The following VPS13B variants were observed in gnomAD, a reference collection of about 807,000 sequenced individuals.
VPS13B encodes the protein vacuolar protein sorting 13 homolog B.
VPS13B carries 285 observed loss-of-function variants against 426.4 expected under a neutral mutation model. That is an observed-to-expected ratio of 0.67 (90% CI 0.61 to 0.74). VPS13B has a LOEUF of 0.74. Ranked by LOEUF, VPS13B falls within the 30% of genes least tolerant of loss-of-function variation. VPS13B has a pLI of 0.00. For synonymous variants in VPS13B, 1,676 were observed against 1,676.4 expected (o/e 1.00, Z 0.01); for missense variants, 4,537 against 4,782.6 (o/e 0.95, Z 1.51).
chr8:99,602,067 T>G (rs747155456), intron 33 of VPS13B, among the ~76,000 whole-genome samples: 32 of 152,178 alleles, frequency 2.1e-4, no homozygotes, highest in Non-Finnish European at 3.5e-4. Flanking sequence ...TCATGAAGTC[T>G]TTGCCCATGC....
At chr8:99,113,853 G>A (rs1479812969) in intron 6 of VPS13B, among the ~76,000 whole-genome samples, 1 of 152,134 alleles carries the variant, frequency 6.6e-6, no homozygotes, top group African/African-American at 2.4e-5. Context: ...ATGAGTCACT[G>A]CGCCTGGCCC....
At chr8:99,732,588 A>G (rs1293440826) in intron 39 of VPS13B, among the ~76,000 whole-genome samples, 1 of 152,246 alleles carries the variant, frequency 6.6e-6, no homozygotes, top group Non-Finnish European at 1.5e-5. Context: ...CTGGCATCAC[A>G]GCCATAACAC....
chr8:99,378,640 AGGGTTTC>A (rs1813627481), intron 19 of VPS13B, among the ~76,000 whole-genome samples: 1 of 152,326 alleles, frequency 6.6e-6, no homozygotes, highest in South Asian at 2.1e-4. Flanking sequence ...TTCTTCCATC[AGGGTTTC>A]AGCAGGTCCT....
At chr8:99,573,145 G>C (rs1825575761) in intron 31 of VPS13B, among the ~76,000 whole-genome samples, 1 of 151,922 alleles carries the variant, frequency 6.6e-6, no homozygotes, top group African/African-American at 2.4e-5. Context: ...CTTTTTGATG[G>C]GGTTGCTTTT....
chr8:99,685,162 T>G (rs1360101917), intron 35 of VPS13B, among the ~76,000 whole-genome samples: 1 of 152,226 alleles, frequency 6.6e-6, no homozygotes, highest in Non-Finnish European at 1.5e-5. Context: ...TAAACAAAAC[T>G]TCAATAAATA....
chr8:99,089,033 A>T (rs1846000041), intron 3 of VPS13B, among the ~76,000 whole-genome samples: 1 of 152,158 alleles, frequency 6.6e-6, no homozygotes, highest in African/African-American at 2.4e-5. Flanking sequence ...TTAGGAAAGG[A>T]TAGGTTGTTA....
At chr8:99,582,781 G>A (rs1384574658) in intron 33 of VPS13B, among the ~76,000 whole-genome samples, 3 of 151,830 alleles carry the variant, frequency 2.0e-5, no homozygotes, top group Non-Finnish European at 2.9e-5. Flanking sequence ...TCAGCCTCCC[G>A]AGTAGCTGGG....
At chr8:99,759,302 C>T (rs1810802043) in intron 39 of VPS13B, among the ~76,000 whole-genome samples, 1 of 152,156 alleles carries the variant, frequency 6.6e-6, no homozygotes, top group Admixed American at 6.5e-5. Flanking sequence ...CCCTCACAGT[C>T]TTTCATAGCT....
At chr8:99,540,832 C>A (rs1823578017) in intron 30 of VPS13B, among the ~76,000 whole-genome samples, 1 of 151,996 alleles carries the variant, frequency 6.6e-6, no homozygotes, top group Non-Finnish European at 1.5e-5. Flanking sequence ...GGTTTCGAGG[C>A]CCTATTTCGA....
intron 54 of VPS13B, among the ~76,000 whole-genome samples, chr8:99,841,878 GTC>G (rs1459316244): frequency 6.6e-6 from 1 of 152,038 alleles, no homozygotes; most frequent in Non-Finnish European, 1.5e-5. Flanking sequence ...CCAACCTCAA[GTC>G]TCTCTCTGTA....
At chr8:99,334,754 G>C (rs1051016295) in intron 19 of VPS13B, among the ~76,000 whole-genome samples, 1 of 152,080 alleles carries the variant, frequency 6.6e-6, no homozygotes, top group Non-Finnish European at 1.5e-5. Context: ...GCTGGATTCG[G>C]TTTGCCAGTA....
chr8:99,872,839 G>A lies in VPS13B; in HGVS notation c.11745+1142G>A, dbSNP rs192831453. On this transcript the variant is annotated intron_variant, in intron 61 of 61. Coordinates refer to ENST00000357162, the MANE Select transcript of VPS13B (RefSeq NM_152564.5). ...GTGTATCTCCTTCACGCCACTGTTTGGGTAAAATTATCTGAGAAGATGGAA... is the reference window on the plus strand; with the variant it reads ...GTGTATCTCCTTCACGCCACTGTTTAGGTAAAATTATCTGAGAAGATGGAA... Among the ~76,000 whole-genome samples the A allele has an allele frequency of 1.4e-4, 22 of 152,202 alleles. No individual in the cohort carries two copies. The East Asian group carries it at 4.1e-3, about 28-fold the overall frequency.
chr8:99,030,135 C>CTTTTTTTTT (rs58542671), intron 2 of VPS13B, among the ~76,000 whole-genome samples: 53 of 75,712 alleles, frequency 7.0e-4, no homozygotes, highest in Non-Finnish European at 9.6e-4. Context: ...AAAATACATG[C>CTTTTTTTTT]TTTTTTTTTT....
chr8:99,762,729 T>G lies in VPS13B; in HGVS notation c.7051-4045T>G, dbSNP rs79178359. The stretch of plus-strand genomic sequence containing the variant: ...ATAATGGCTAACATTTCTTAAGCTC[T>G]TACTATGTGATATTAAATAAAATGC... On this transcript the variant is annotated intron_variant, in intron 39 of 61. Transcript: ENST00000357162. Among the ~76,000 whole-genome samples the G allele has an allele frequency of 3.9e-5, 6 of 152,334 alleles. No individual in the cohort carries two copies. In the East Asian group the frequency reaches 9.7e-4, roughly 25 times the overall value.
At chr8:99,351,219 G>A (rs1811860868) in intron 19 of VPS13B, among the ~76,000 whole-genome samples, 1 of 152,068 alleles carries the variant, frequency 6.6e-6, no homozygotes, top group African/African-American at 2.4e-5. Context: ...AGCATTTGTT[G>A]CCTTATGTCA....
chr8:99,133,031 C>T (rs922587463), intron 8 of VPS13B, among the ~76,000 whole-genome samples: 10 of 152,086 alleles, frequency 6.6e-5, no homozygotes, highest in South Asian at 4.1e-4. Context: ...CAAGAGCATC[C>T]GCCTGTATTT....
rs140204523 is a variant in VPS13B, at chr8:99,853,473, T to C, written c.10084T>C (p.Phe3362Leu). Reference sequence around the variant, plus strand: ...TAGAGCGCCAGAGAAGATTGTTACATTTAAAATGTTCATCACTCAGTTAAG... The same window carrying C: ...TAGAGCGCCAGAGAAGATTGTTACACTTAAAATGTTCATCACTCAGTTAAG... The part of the protein sequence containing the change: ...TNRAPEKIVT[F>L]KMFITQLSLA... Residue 3362 changes from phenylalanine to leucine, a missense_variant, in exon 56 of 62, where the codon TTT (phenylalanine) becomes CTT (leucine). Phe to Leu is a conservative substitution (Grantham distance 22, BLOSUM62 0). Transcript: ENST00000357162. The C allele has an allele frequency of 3.1e-6, 5 of 1,614,222 alleles. No individual in the cohort carries two copies. The highest frequency in any genetic ancestry group is 1.1e-5 in the South Asian group (1 of 91,074).
At chr8:99,455,679 A>G (rs1322108543) in intron 23 of VPS13B, among the ~76,000 whole-genome samples, 1 of 152,096 alleles carries the variant, frequency 6.6e-6, no homozygotes, top group Non-Finnish European at 1.5e-5. Context: ...CTGTCCCTAT[A>G]AATTTGCCTT....
intron 15 of VPS13B, among the ~76,000 whole-genome samples, chr8:99,157,716 A>G (rs909166123): frequency 6.6e-6 from 1 of 152,230 alleles, no homozygotes; most frequent in Non-Finnish European, 1.5e-5. Flanking sequence ...TTAATGAAGA[A>G]GGCATGTCAA....
Sources: allele counts gnomAD v4.1 joint callset (sites outside exome capture counted in the v4.1 genomes callset), GRCh38; gene constraint gnomAD v4.1.1; transcripts MANE v1.5; gene names NCBI Gene and HGNC (gene_info 2026-07-23, HGNC 2026-07-21).